ALDH18A1: variants seen among roughly 807,000 people sequenced by gnomAD.
ALDH18A1 encodes aldehyde dehydrogenase 18 family member A1, also known as delta-1-pyrroline-5-carboxylate synthase.
ALDH18A1 carries 44 observed loss-of-function variants against 88.8 expected under a neutral mutation model. The observed-to-expected ratio is 0.50, with a 90% CI of 0.39 to 0.64. The LOEUF is 0.64. ALDH18A1 is among the 30% of genes least tolerant of loss of function. ALDH18A1 has a pLI of 0.00. For synonymous variants in ALDH18A1, 331 were observed against 372.1 expected (o/e 0.89, Z 1.27); for missense variants, 782 against 1,009.5 (o/e 0.77, Z 3.05).
At position 95,628,275 on chromosome 10, in the gene ALDH18A1, C is replaced by T. The variant is rs182172387; in HGVS notation, c.933+93G>A. Reference sequence around the variant, plus strand: ...AGTGTGTATGTGCCTACTATCTGAACCATTAACCCCCAAATAATTACAAAA... The same window carrying T: ...AGTGTGTATGTGCCTACTATCTGAATCATTAACCCCCAAATAATTACAAAA... On this transcript the variant is annotated intron_variant, in intron 8 of 17. Transcript: ENST00000371224. The T allele has an allele frequency of 7.1e-5, 111 of 1,569,096 alleles. No individual in the cohort carries two copies. The African/African-American group carries it at 1.4e-3, about 20-fold the overall frequency.
chr10:95,615,072 C>T (rs1175610628), intron 13 of ALDH18A1, among the ~76,000 whole-genome samples: 1 of 152,090 alleles, frequency 6.6e-6, no homozygotes, highest in Non-Finnish European at 1.5e-5. Context: ...GGCACATTCC[C>T]AGCACTTTGG....
intron 15 of ALDH18A1, among the ~76,000 whole-genome samples, chr10:95,612,349 T>G (rs1209826260): frequency 6.6e-6 from 1 of 152,220 alleles, no homozygotes; most frequent in Non-Finnish European, 1.5e-5. Flanking sequence ...CTGAGGCTGG[T>G]CACCGAGGAT....
chr10:95,608,939 G>A (rs11591779), intron 17 of ALDH18A1, among the ~76,000 whole-genome samples: 42,108 of 151,956 alleles, frequency 0.28, 6,796 homozygotes, highest in Admixed American at 0.4. Flanking sequence ...GCAATGGTGC[G>A]GTCTCGGCTC....
intron 3 of ALDH18A1, among the ~76,000 whole-genome samples, chr10:95,637,985 CA>C (rs2097884216): frequency 1.5e-5 from 1 of 65,312 alleles, no homozygotes; most frequent in African/African-American, 7.0e-5. Context: ...ACAACAACAA[CA>C]ACAACAACAA....
intron 17 of ALDH18A1, among the ~76,000 whole-genome samples, chr10:95,608,624 C>G (rs544448347): frequency 6.6e-6 from 1 of 152,340 alleles, no homozygotes; most frequent in South Asian, 2.1e-4. Flanking sequence ...GCCTCAGCCT[C>G]CTGAGTAACT....
At chr10:95,607,442 T>C (rs12780161) in intron 17 of ALDH18A1, among the ~76,000 whole-genome samples, 63,824 of 151,992 alleles carry the variant, frequency 0.42, 15,289 homozygotes, top group Non-Finnish European at 0.54. Context: ...CATTCCCTTT[T>C]CTCTTGCTCC....
chr10:95,644,167 G>A (rs1264832497), intron 2 of ALDH18A1, among the ~76,000 whole-genome samples: 1 of 152,116 alleles, frequency 6.6e-6, no homozygotes, highest in African/African-American at 2.4e-5. Flanking sequence ...AGAGGGAAGA[G>A]CCTGATTAGC....
chr10:95,653,554 T>C (rs2097913628), intron 1 of ALDH18A1, 149 bp from the exon 2 acceptor site: 1 of 667,688 alleles, frequency 1.5e-6, no homozygotes, highest in African/African-American at 1.8e-5. Context: ...CTCCTCTATA[T>C]TATAGAAAAG....
chr10:95,635,326 G>T (rs974161783), intron 5 of ALDH18A1, among the ~76,000 whole-genome samples: 4 of 152,014 alleles, frequency 2.6e-5, no homozygotes, highest in Admixed American at 2.0e-4. Flanking sequence ...GAGATCTAAA[G>T]GTCCAGGAAA....
intron 11 of ALDH18A1, 80 bp downstream of exon 11, chr10:95,625,282 A>C: frequency 1.8e-6 from 2 of 1,104,744 alleles, no homozygotes; most frequent in Non-Finnish European, 2.8e-6. Context: ...TTAGGCAGAC[A>C]TAAGAATTAT....
At chr10:95,633,411 A>G (rs992648135) in intron 6 of ALDH18A1, 80 bp downstream of exon 6, 18 of 1,550,134 alleles carry the variant, frequency 1.2e-5, no homozygotes, top group Non-Finnish European at 1.6e-5. Flanking sequence ...GTTTATGCCA[A>G]ACTTCTGGTG....
Position 95,606,447 on chromosome 10 carries a change from C to A in ALDH18A1, c.*315G>T. 8.2e-7 allele frequency: 1 copy of A among 1,218,198 alleles called. No individual in the cohort carries two copies. Among genetic ancestry groups the A allele is most frequent in the Non-Finnish European group, 1.0e-6 (1 of 967,202 alleles). The allele number at this position is 1,218,198 out of a possible 1,614,324, so 75.5% of individuals were successfully genotyped here. On this transcript the variant is annotated 3_prime_UTR_variant, in exon 18 of 18. Transcript: ENST00000371224. ...GGGACTGTAAGTCACTGAGGTGACA[C>A]AAAGCAGCCATGGGTTTTCCTCGCC...
chr10:95,645,544 G>T (rs939995350), intron 2 of ALDH18A1, among the ~76,000 whole-genome samples: 1 of 152,142 alleles, frequency 6.6e-6, no homozygotes, highest in Non-Finnish European at 1.5e-5. Flanking sequence ...GGCGACTATG[G>T]GTTCTCCTCC....
intron 5 of ALDH18A1, among the ~76,000 whole-genome samples, chr10:95,634,110 A>G (rs895329926): frequency 5.3e-5 from 8 of 152,208 alleles, no homozygotes; most frequent in African/African-American, 1.2e-4. Flanking sequence ...AAAAATTACA[A>G]TAATCTGAAA....
chr10:95,629,894 T>A (rs1566021794), intron 7 of ALDH18A1, among the ~76,000 whole-genome samples: 1 of 152,080 alleles, frequency 6.6e-6, no homozygotes, highest in Non-Finnish European at 1.5e-5. Flanking sequence ...GCTAGAGTCT[T>A]GTTCAAACTG....
intron 5 of ALDH18A1, 40 bp downstream of exon 5, chr10:95,637,053 C>T (rs2097881996): frequency 1.3e-6 from 2 of 1,593,564 alleles, no homozygotes; most frequent in Non-Finnish European, 1.7e-6. Flanking sequence ...AACAACCACC[C>T]TCACAGGTCC....
chr10:95,630,539 C>T (rs1209346694), intron 7 of ALDH18A1, among the ~76,000 whole-genome samples: 1 of 152,086 alleles, frequency 6.6e-6, no homozygotes, highest in East Asian at 1.9e-4. Flanking sequence ...GGTGAAACCC[C>T]TTCTCTACTA....
At chr10:95,645,064 G>C (rs2097898915) in intron 2 of ALDH18A1, among the ~76,000 whole-genome samples, 1 of 152,182 alleles carries the variant, frequency 6.6e-6, no homozygotes, top group African/African-American at 2.4e-5. Flanking sequence ...TGACACAGAA[G>C]GACAATGAGT....
chr10:95,651,854 A>G (rs973478239), intron 2 of ALDH18A1, among the ~76,000 whole-genome samples: 3 of 152,240 alleles, frequency 2.0e-5, no homozygotes, highest in African/African-American at 7.2e-5. Context: ...CTACAATCTG[A>G]CCCAGCAACT....
Sources: gnomAD v4.1 joint callset for allele counts (sites outside exome capture counted in the v4.1 genomes callset) on GRCh38, gnomAD v4.1.1 for gene constraint, MANE v1.5 for transcripts, NCBI Gene and HGNC (gene_info 2026-07-23, HGNC 2026-07-21) for gene names.